The following ENPP6 variants were observed in gnomAD, a reference collection of about 807,000 sequenced individuals.
ENPP6 encodes the protein ectonucleotide pyrophosphatase/phosphodiesterase 6.
A neutral mutation model predicts 42.0 loss-of-function variants in ENPP6; 32 were observed. That is an observed-to-expected ratio of 0.76 (90% CI 0.58 to 1.02). The LOEUF (loss-of-function observed/expected upper bound fraction) is 1.02. Among genes scored for constraint, ENPP6 ranks in the 50% least tolerant of loss-of-function variants. The probability of loss-of-function intolerance (pLI) is 0.00; values close to 1 mark genes in which losing one functional copy is unlikely to be tolerated. For missense variants in ENPP6, 552 were observed against 566.8 expected, an observed-to-expected ratio of 0.97 and a Z score of 0.27; for synonymous variants, 213 against 216.0, an observed-to-expected ratio of 0.99 and a Z score of 0.12.
At chr4:184,119,848 T>A (rs1415878275) in intron 3 of ENPP6, among the ~76,000 whole-genome samples, 1 of 152,168 alleles carries the variant, frequency 6.6e-6, no homozygotes, top group Non-Finnish European at 1.5e-5. Context: ...GTTGCTGCCA[T>A]GTGAAGAAGG....
rs112428594 is a variant in ENPP6 at position 184,183,313 on chromosome 4, T to C, written c.242-29580A>G. On this transcript the variant is annotated intron_variant, in intron 1 of 7. Coordinates refer to ENST00000296741, the MANE Select transcript of ENPP6 (RefSeq NM_153343.4). ...TATGTAAATAGCTTTTAATTTTAGA[T>C]TGGCATCCTTTGCACCGCTGATGGA... Among the ~76,000 whole-genome samples the C allele has an allele frequency of 8.3e-3, 1,263 of 152,364 alleles. 13 individuals carry two copies. Among genetic ancestry groups the C allele is most frequent in the Non-Finnish European group, 0.013 (914 of 68,038 alleles).
intron 1 of ENPP6, among the ~76,000 whole-genome samples, chr4:184,190,868 G>C (rs978660989): frequency 1.3e-5 from 2 of 152,210 alleles, no homozygotes; most frequent in Non-Finnish European, 2.9e-5. Flanking sequence ...GACCATTTGA[G>C]ATAAGTAGCT....
intron 7 of ENPP6, among the ~76,000 whole-genome samples, chr4:184,093,640 AAATAATAATAATAATAAT>A (rs370411138): frequency 3.0e-5 from 4 of 132,452 alleles, no homozygotes; most frequent in African/African-American, 5.6e-5. Context: ...CTCTGTCTCA[AAATAATAATAATAATAAT>A]AATAATAATA....
chr4:184,176,214 C>G (rs1256153220), intron 1 of ENPP6, among the ~76,000 whole-genome samples: 1 of 152,206 alleles, frequency 6.6e-6, no homozygotes, highest in South Asian at 2.1e-4. Flanking sequence ...ACTTCAGAAG[C>G]AGCACCTTTG....
intron 1 of ENPP6, among the ~76,000 whole-genome samples, chr4:184,153,973 CT>C (rs1226332713): frequency 6.6e-6 from 1 of 152,070 alleles, no homozygotes; most frequent in Non-Finnish European, 1.5e-5. Context: ...TGACGTCACC[CT>C]GTCAAGTCAG....
intron 6 of ENPP6, among the ~76,000 whole-genome samples, chr4:184,103,061 G>T (rs1736032478): frequency 6.6e-6 from 1 of 152,232 alleles, no homozygotes. Flanking sequence ...AGCAACACGG[G>T]CCTCCCTCTT....
chr4:184,116,988 G>C lies in ENPP6; in HGVS notation c.723C>G (p.His241Gln). 1 of 1,614,168 alleles carries C rather than the reference G, an allele frequency of 6.2e-7. No homozygotes were observed. Among genetic ancestry groups the C allele is most frequent in the Non-Finnish European group, 8.5e-7 (1 of 1,180,034 alleles). Residue 241 changes from histidine (H) to glutamine (Q), a missense_variant, in exon 5 of 8, where the codon CAC becomes CAG. By Grantham distance (24) the His-to-Gln change is conservative. Coordinates refer to ENST00000296741, the MANE Select transcript of ENPP6 (RefSeq NM_153343.4). ...CCATCCAGAAAATGTCGGTCATTCCGTGATCCGAGAAAATAATGACGTTCA... is the reference window on the plus strand; with the variant it reads ...CCATCCAGAAAATGTCGGTCATTCCCTGATCCGAGAAAATAATGACGTTCA... ...DRLNVIIFSD[H>Q]GMTDIFWMDK... is the part of the protein sequence containing the mutation.
chr4:184,217,566 A>C lies in ENPP6; in HGVS notation c.241+13T>G, dbSNP rs759940539. On this transcript the variant is annotated intron_variant, in intron 1 of 7. Coordinates refer to ENST00000296741, the MANE Select transcript of ENPP6 (RefSeq NM_153343.4). ...CCCTCCCCTCCCTGCCCAGAAGAGG[A>C]CATGGTACTCACCAGTCATTAGGGT... 1.9e-6 allele frequency: 3 copies of C among 1,614,126 alleles called. No individual in the cohort carries two copies. The highest frequency in any genetic ancestry group is 2.5e-6 in the Non-Finnish European group (3 of 1,179,968).
chr4:184,201,518 C>T (rs1423384973), intron 1 of ENPP6, among the ~76,000 whole-genome samples: 2 of 152,110 alleles, frequency 1.3e-5, no homozygotes, highest in Admixed American at 6.5e-5. Flanking sequence ...AAGCTTTCAC[C>T]ACATTTTACA....
chr4:184,202,969 C>T (rs184266778), intron 1 of ENPP6, among the ~76,000 whole-genome samples: 42 of 152,258 alleles, frequency 2.8e-4, no homozygotes, highest in African/African-American at 9.6e-4. Context: ...ACTCACTGGA[C>T]ACAATGGCTC....
At chr4:184,208,521 G>A (rs1161040752) in intron 1 of ENPP6, among the ~76,000 whole-genome samples, 2 of 152,162 alleles carry the variant, frequency 1.3e-5, no homozygotes, top group Non-Finnish European at 2.9e-5. Flanking sequence ...CAAATACTGC[G>A]CTTTTCCGAC....
chr4:184,137,377 G>A (rs778150025), intron 2 of ENPP6, among the ~76,000 whole-genome samples: 1 of 152,214 alleles, frequency 6.6e-6, no homozygotes, highest in Non-Finnish European at 1.5e-5. Flanking sequence ...GATTACAGGC[G>A]TGAGCCACTG....
At chr4:184,117,994 C>G in intron 3 of ENPP6, 94 bp from the exon 4 acceptor site, 1 of 1,451,354 alleles carries the variant, frequency 6.9e-7, no homozygotes, top group Non-Finnish European at 9.2e-7. Context: ...GTGTTCACGC[C>G]CCCCGAAACC....
rs182040164 is a variant in ENPP6 at position 184,089,060 on chromosome 4, C to A, written c.*2117G>T. Reference sequence around the variant, plus strand: ...GGCTCTACTGAATTCATTGGAACACCGTCCTTTAAGGAGAAAGAAACTTTG... The same window carrying A: ...GGCTCTACTGAATTCATTGGAACACAGTCCTTTAAGGAGAAAGAAACTTTG... On this transcript the variant is annotated 3_prime_UTR_variant, in exon 8 of 8. Coordinates refer to ENST00000296741, the MANE Select transcript of ENPP6 (RefSeq NM_153343.4). 6.6e-6 allele frequency: 1 copy of A among 152,224 alleles called. No individual in the cohort carries two copies. Among genetic ancestry groups the A allele is most frequent in the African/African-American group, 2.4e-5 (1 of 41,546 alleles). 9.4% of individuals were successfully genotyped at this position (152,224 alleles called of 1,614,324 possible).
chr4:184,101,684 G>C (rs1736007020), intron 6 of ENPP6, among the ~76,000 whole-genome samples: 1 of 152,198 alleles, frequency 6.6e-6, no homozygotes, highest in African/African-American at 2.4e-5. Flanking sequence ...ACAGTCCCAG[G>C]CAAACCAGGA....
intron 2 of ENPP6, among the ~76,000 whole-genome samples, chr4:184,146,072 C>G (rs1736914437): frequency 6.9e-6 from 1 of 145,126 alleles, no homozygotes; most frequent in African/African-American, 2.5e-5. Flanking sequence ...ACCCTGTCCT[C>G]TCTTTTTTGT....
At chr4:184,092,228 G>A (rs1735817022) in intron 7 of ENPP6, among the ~76,000 whole-genome samples, 1 of 152,150 alleles carries the variant, frequency 6.6e-6, no homozygotes, top group African/African-American at 2.4e-5. Context: ...TGAAACTGCA[G>A]TTTTCTCGGT....
intron 2 of ENPP6, among the ~76,000 whole-genome samples, chr4:184,146,416 C>A (rs560702933): frequency 1.4e-5 from 2 of 139,132 alleles, no homozygotes; most frequent in African/African-American, 5.3e-5. Context: ...GGCTCCAGAG[C>A]GAGACTCCGT....
chr4:184,104,118 A>G (rs1187528028), intron 6 of ENPP6, among the ~76,000 whole-genome samples: 2 of 151,924 alleles, frequency 1.3e-5, no homozygotes, highest in Non-Finnish European at 2.9e-5. Context: ...TCACCATCAG[A>G]ACGCATGCAG....
Sources: gnomAD v4.1 joint callset for allele counts (sites outside exome capture counted in the v4.1 genomes callset) on GRCh38, gnomAD v4.1.1 for gene constraint, MANE v1.5 for transcripts, NCBI Gene and HGNC (gene_info 2026-07-23, HGNC 2026-07-21) for gene names.